TIAM2: variants seen among roughly 807,000 people sequenced by gnomAD.
The protein encoded by TIAM2 is TIAM Rac1 associated GEF 2.
A neutral mutation model predicts 152.9 loss-of-function variants in TIAM2; 80 were observed. The ratio of observed to expected loss-of-function variants is 0.52; its 90% confidence interval spans 0.44 to 0.63. TIAM2 has a LOEUF of 0.63. TIAM2 is among the 30% of genes least tolerant of loss of function. TIAM2 has a pLI of 0.00. For missense variants in TIAM2, 1,965 were observed against 2,120.1 expected, an observed-to-expected ratio of 0.93 and a Z score of 1.44; for synonymous variants, 804 against 838.0, an observed-to-expected ratio of 0.96 and a Z score of 0.70.
chr6:155,215,077 G>A (rs888161901), intron 15 of TIAM2, among the ~76,000 whole-genome samples: 9 of 152,184 alleles, frequency 5.9e-5, no homozygotes, highest in Admixed American at 5.9e-4. Flanking sequence ...ACACCGTGAG[G>A]GATAACGACT....
intron 1 of TIAM2, among the ~76,000 whole-genome samples, chr6:155,009,665 C>T (rs778053472): frequency 3.9e-5 from 6 of 152,106 alleles, no homozygotes; most frequent in South Asian, 2.1e-4. Context: ...CTACGACTTA[C>T]GTGAAACCAA....
intron 2 of TIAM2, among the ~76,000 whole-genome samples, chr6:155,104,556 G>A (rs993557546): frequency 1.9e-4 from 29 of 152,214 alleles, no homozygotes; most frequent in South Asian, 8.3e-4. Flanking sequence ...AGGAGATCGA[G>A]ACCATCCTGG....
chr6:155,127,806 A>G (rs1779331645), intron 3 of TIAM2, among the ~76,000 whole-genome samples: 1 of 152,244 alleles, frequency 6.6e-6, no homozygotes, highest in African/African-American at 2.4e-5. Context: ...AGCCTACTAA[A>G]TATATCTGGA....
At chr6:155,243,941 C>A in intron 16 of TIAM2, 70 bp from the exon 17 acceptor site, 1 of 1,268,184 alleles carries the variant, frequency 7.9e-7, no homozygotes, top group Non-Finnish European at 1.1e-6. Context: ...TGCCAGGTTG[C>A]TGCTACCCAA....
At chr6:155,047,046 C>G (rs1288499370) in intron 1 of TIAM2, among the ~76,000 whole-genome samples, 1 of 152,102 alleles carries the variant, frequency 6.6e-6, no homozygotes, top group Non-Finnish European at 1.5e-5. Context: ...TGGTCTGGGG[C>G]CAGGACAGAA....
At chr6:155,181,983 T>C (rs1024825044) in intron 12 of TIAM2, among the ~76,000 whole-genome samples, 2 of 152,248 alleles carry the variant, frequency 1.3e-5, no homozygotes, top group African/African-American at 2.4e-5. Flanking sequence ...CTGTTATGCG[T>C]GTGGGTGCAT....
At chr6:155,199,395 A>G (rs147723970) in intron 14 of TIAM2, among the ~76,000 whole-genome samples, 10 of 152,186 alleles carry the variant, frequency 6.6e-5, no homozygotes, top group Admixed American at 2.0e-4. Flanking sequence ...AGTAACTTCT[A>G]TATCACCAGT....
At chr6:155,179,489 G>A (rs1780842760) in intron 12 of TIAM2, 33 bp downstream of exon 12, 2 of 1,561,078 alleles carry the variant, frequency 1.3e-6, no homozygotes, top group East Asian at 2.3e-5. Flanking sequence ...TCAGGGAATT[G>A]TGTTGTTCAT....
intron 1 of TIAM2, among the ~76,000 whole-genome samples, chr6:155,044,290 T>C (rs768241025): frequency 6.6e-6 from 1 of 152,180 alleles, no homozygotes; most frequent in Non-Finnish European, 1.5e-5. Context: ...GATTTGGTTC[T>C]CTTGCCACGG....
chr6:155,151,844 T>C (rs1254403611), intron 7 of TIAM2, among the ~76,000 whole-genome samples: 1 of 105,974 alleles, frequency 9.4e-6, no homozygotes, highest in African/African-American at 3.0e-5. Context: ...TTTTTCTTTT[T>C]TTTTCTTTTT....
intron 1 of TIAM2, among the ~76,000 whole-genome samples, chr6:155,031,585 G>A (rs1371933024): frequency 1.6e-4 from 25 of 152,056 alleles, no homozygotes; most frequent in Admixed American, 1.6e-3. Context: ...TTAGCTGGGT[G>A]TGGTGGCACG....
intron 1 of TIAM2, among the ~76,000 whole-genome samples, chr6:155,026,418 T>C (rs1475258713): frequency 1.3e-5 from 2 of 152,212 alleles, no homozygotes; most frequent in Non-Finnish European, 2.9e-5. Context: ...CAATTTTTTT[T>C]CCCTCCTGGT....
chr6:155,250,079 A>C (rs946505736), intron 21 of TIAM2, 110 bp downstream of exon 21: 3 of 714,268 alleles, frequency 4.2e-6, no homozygotes, highest in Non-Finnish European at 7.1e-6. Context: ...GAAAATGCCT[A>C]AGATTTTTCT....
intron 24 of TIAM2, 151 bp from the exon 25 acceptor site, chr6:155,253,822 A>T (rs1783828795): frequency 8.6e-6 from 5 of 583,548 alleles, no homozygotes; most frequent in Non-Finnish European, 1.5e-5. Flanking sequence ...TAACTGTGAA[A>T]ATCATACATA....
At chr6:155,034,632 G>A (rs1399292581) in intron 1 of TIAM2, among the ~76,000 whole-genome samples, 1 of 152,158 alleles carries the variant, frequency 6.6e-6, no homozygotes, top group Admixed American at 6.6e-5. Context: ...TGCTTCAGAA[G>A]TGAATGAAGT....
intron 1 of TIAM2, among the ~76,000 whole-genome samples, chr6:155,045,714 A>G (rs557709713): frequency 6.6e-6 from 1 of 152,184 alleles, no homozygotes; most frequent in African/African-American, 2.4e-5. Flanking sequence ...CAGTGGTTGA[A>G]GACAGCGGGT....
chr6:155,088,410 T>G (rs917478295), intron 1 of TIAM2, among the ~76,000 whole-genome samples: 2 of 152,196 alleles, frequency 1.3e-5, no homozygotes, highest in Admixed American at 6.5e-5. Flanking sequence ...ATAGCATGAG[T>G]CATTGTGATA....
At chr6:155,217,959 A>G (rs1468346604) in intron 15 of TIAM2, among the ~76,000 whole-genome samples, 1 of 152,172 alleles carries the variant, frequency 6.6e-6, no homozygotes. Context: ...TTTTTGTCAC[A>G]TGAATTGCTT....
chr6:155,133,076 C>T lies in TIAM2; in HGVS notation c.1194+2659C>T, dbSNP rs571207336. On this transcript the variant is annotated intron_variant, in intron 4 of 26. Coordinates refer to ENST00000682666, the MANE Select transcript of TIAM2 (RefSeq NM_012454.4). ...GAGTTAAAAACAAACCGGTTAGGGC[C>T]GGGTGTGGTGGCTCACGCCTGTCAT... Among the ~76,000 whole-genome samples the T allele has an allele frequency of 2.5e-4, 38 of 152,296 alleles. 1 individual carries two copies. In the South Asian group the frequency reaches 2.9e-3, roughly 12 times the overall value.
Sources: gnomAD v4.1 joint callset for allele counts (sites outside exome capture counted in the v4.1 genomes callset) on GRCh38, gnomAD v4.1.1 for gene constraint, MANE v1.5 for transcripts, NCBI Gene and HGNC (gene_info 2026-07-23, HGNC 2026-07-21) for gene names.